Variants in TMCC3 observed in about 807,000 individuals in gnomAD.
TMCC3 encodes the protein transmembrane and coiled-coil domain protein 3.
A neutral mutation model predicts 40.2 loss-of-function variants in TMCC3; 28 were observed. That is an observed-to-expected ratio of 0.70 (90% CI 0.52 to 0.95). The LOEUF (loss-of-function observed/expected upper bound fraction) is 0.95. Ranked by LOEUF, TMCC3 falls within the 40% of genes least tolerant of loss-of-function variation. The pLI is 0.00. For missense variants in TMCC3, 554 were observed against 615.2 expected (o/e 0.90, Z 1.05); for synonymous variants, 255 against 248.5 (o/e 1.03, Z -0.25).
At chr12:94,606,383 T>C (rs2068783108) in intron 1 of TMCC3, among the ~76,000 whole-genome samples, 1 of 151,474 alleles carries the variant, frequency 6.6e-6, no homozygotes, top group African/African-American at 2.4e-5. Context: ...TTTTTTTTTT[T>C]TTTGAGACAA....
intron 1 of TMCC3, among the ~76,000 whole-genome samples, chr12:94,624,841 T>C (rs2068894847): frequency 6.6e-6 from 1 of 151,116 alleles, no homozygotes; most frequent in South Asian, 2.1e-4. Context: ...TCTGAGCTGA[T>C]GAAAATGTTC....
intron 3 of TMCC3, among the ~76,000 whole-genome samples, chr12:94,578,170 A>G (rs1329138721): frequency 7.1e-6 from 1 of 141,166 alleles, no homozygotes; most frequent in East Asian, 2.0e-4. Context: ...AAAAAAAAAG[A>G]AAAAGAAAAA....
intron 1 of TMCC3, among the ~76,000 whole-genome samples, chr12:94,620,922 G>A (rs1479599514): frequency 1.3e-5 from 2 of 152,210 alleles, no homozygotes; most frequent in African/African-American, 2.4e-5. Flanking sequence ...ACTTAAAGTC[G>A]ATTTCACTGA....
At chr12:94,601,870 T>C (rs2068755541) in intron 1 of TMCC3, among the ~76,000 whole-genome samples, 1 of 147,392 alleles carries the variant, frequency 6.8e-6, no homozygotes, top group African/African-American at 2.5e-5. Context: ...GGTGTCTGTA[T>C]ATCACTTACT....
intron 1 of TMCC3, among the ~76,000 whole-genome samples, chr12:94,634,981 T>C (rs973076957): frequency 2.0e-5 from 3 of 152,248 alleles, no homozygotes; most frequent in African/African-American, 4.8e-5. Context: ...AAATGTTAAG[T>C]GTTAGTTTCT....
intron 1 of TMCC3, among the ~76,000 whole-genome samples, chr12:94,629,136 A>G (rs1031048147): frequency 2.0e-5 from 3 of 152,214 alleles, no homozygotes; most frequent in African/African-American, 7.2e-5. Flanking sequence ...GGATATAAAT[A>G]TATACACACA....
intron 1 of TMCC3, among the ~76,000 whole-genome samples, chr12:94,631,409 C>T (rs866807358): frequency 6.6e-6 from 1 of 152,124 alleles, no homozygotes; most frequent in Non-Finnish European, 1.5e-5. Flanking sequence ...AGGGTGGGCC[C>T]TAATGCCATT....
At chr12:94,596,818 T>C (rs1186022588) in intron 1 of TMCC3, among the ~76,000 whole-genome samples, 1 of 152,032 alleles carries the variant, frequency 6.6e-6, no homozygotes, top group Non-Finnish European at 1.5e-5. Flanking sequence ...CTCAGCTGTT[T>C]GCAATGAGAT....
At chr12:94,609,079 T>C (rs2068800184) in intron 1 of TMCC3, among the ~76,000 whole-genome samples, 1 of 151,854 alleles carries the variant, frequency 6.6e-6, no homozygotes, top group South Asian at 2.1e-4. Context: ...AATTTAAAAA[T>C]TAGCTGGGTG....
At chr12:94,591,910 G>C (rs1462694765) in intron 1 of TMCC3, among the ~76,000 whole-genome samples, 2 of 152,206 alleles carry the variant, frequency 1.3e-5, no homozygotes, top group Non-Finnish European at 2.9e-5. Context: ...CAGCATCCTT[G>C]CTAACAGAGC....
At chr12:94,603,307 G>A (rs545889336) in intron 1 of TMCC3, among the ~76,000 whole-genome samples, 52 of 152,158 alleles carry the variant, frequency 3.4e-4, no homozygotes, top group Middle Eastern at 3.4e-3. Context: ...AGTACAGACG[G>A]GGTTTTGCCA....
chr12:94,623,861 C>G (rs1594292754), intron 1 of TMCC3, among the ~76,000 whole-genome samples: 1 of 152,202 alleles, frequency 6.6e-6, no homozygotes, highest in Non-Finnish European at 1.5e-5. Context: ...AAGTAAAAGT[C>G]AAGCCATGCA....
rs529938925 is a variant in TMCC3 at position 94,622,174 on chromosome 12, A to T, written c.78+28179T>A. On this transcript the variant is annotated intron_variant, in intron 1 of 3. Transcript: ENST00000261226. Reference sequence around the variant, plus strand: ...CTGCTCCTTACTTTTGGGAGAGAGGAGTACTCCACACCCATGGCCTGAAAC... The same window carrying T: ...CTGCTCCTTACTTTTGGGAGAGAGGTGTACTCCACACCCATGGCCTGAAAC... Among the ~76,000 whole-genome samples the T allele has an allele frequency of 6.6e-5, 10 of 152,274 alleles. No individual in the cohort carries two copies. In the East Asian group the frequency reaches 1.9e-3, roughly 29 times the overall value.
intron 1 of TMCC3, among the ~76,000 whole-genome samples, chr12:94,607,193 A>C (rs949644096): frequency 6.6e-6 from 1 of 152,210 alleles, no homozygotes; most frequent in Non-Finnish European, 1.5e-5. Flanking sequence ...CTGACCCCGC[A>C]GGCAGTCAGA....
In TMCC3 at chr12:94,582,276, A is replaced by C; in HGVS notation, c.341T>G (p.Val114Gly). 6.2e-7 allele frequency: 1 copy of C among 1,614,050 alleles called. No individual in the cohort carries two copies. The highest frequency in any genetic ancestry group is 8.5e-7 in the Non-Finnish European group (1 of 1,180,014). The change falls in exon 2 of 4, where the codon GTC becomes GGC. Residue 114 changes from valine to glycine, a missense_variant. Coordinates refer to ENST00000261226, the MANE Select transcript of TMCC3 (RefSeq NM_020698.4). ...DKQQAGRIKQ[V>G]FEKKNQKSAH... ...TGATTTCTGATTCTTCTTCTCAAAG[A>C]CTTGCTTGATACGTCCCGCCTGCTG...
chr12:94,572,145 G>A (rs1181584771), intron 3 of TMCC3, among the ~76,000 whole-genome samples: 1 of 151,708 alleles, frequency 6.6e-6, no homozygotes, highest in East Asian at 1.9e-4. Flanking sequence ...GACTACAGGT[G>A]CGCACCACCA....
At chr12:94,578,572 C>T in intron 2 of TMCC3, 43 bp from the exon 3 acceptor site, 1 of 1,588,662 alleles carries the variant, frequency 6.3e-7, no homozygotes, top group Non-Finnish European at 8.6e-7. Context: ...CCTTTCACAG[C>T]ACATTGTGGA....
intron 1 of TMCC3, among the ~76,000 whole-genome samples, chr12:94,639,345 G>A (rs1309559675): frequency 2.6e-5 from 4 of 152,108 alleles, no homozygotes; most frequent in African/African-American, 9.7e-5. Flanking sequence ...ACTTTGGGAG[G>A]GTGAGGCAGG....
Position 94,650,438 on chromosome 12 carries a change from C to A in TMCC3, c.-8G>T. On this transcript the variant is annotated 5_prime_UTR_variant, in exon 1 of 4. Coordinates refer to ENST00000261226, the MANE Select transcript of TMCC3 (RefSeq NM_020698.4). ...CGTGTCGCTGCCCGGCATCTCCGCG[C>A]TCCGGCCGCGAACTTTCCCGTCTTC... 1 of 1,287,328 alleles carries A rather than the reference C, an allele frequency of 7.8e-7. No homozygotes were observed. The highest frequency in any genetic ancestry group is 3.3e-5 in the East Asian group (1 of 30,338). The allele number at this position is 1,287,328 out of a possible 1,614,324, so 79.7% of individuals were successfully genotyped here.
Sources: gnomAD v4.1 joint callset for allele counts (sites outside exome capture counted in the v4.1 genomes callset) on GRCh38, gnomAD v4.1.1 for gene constraint, MANE v1.5 for transcripts, NCBI Gene and HGNC (gene_info 2026-07-23, HGNC 2026-07-21) for gene names.